The following DPYD variants were observed in gnomAD, a reference collection of about 807,000 sequenced individuals.
DPYD encodes the protein dihydropyrimidine dehydrogenase, also known as dihydropyrimidine dehydrogenase [NADP(+)].
A neutral mutation model predicts 116.2 loss-of-function variants in DPYD; 109 were observed. That is an observed-to-expected ratio of 0.94 (90% CI 0.80 to 1.10). The LOEUF is 1.10. Among genes scored for constraint, DPYD ranks in the 50% least tolerant of loss-of-function variants. DPYD has a pLI of 0.00. For missense variants in DPYD, 1,302 were observed against 1,254.5 expected, an observed-to-expected ratio of 1.04 and a Z score of -0.57; for synonymous variants, 440 against 432.0, an observed-to-expected ratio of 1.02 and a Z score of -0.23.
chr1:97,203,233 AG>A (rs1433734543), intron 19 of DPYD, among the ~76,000 whole-genome samples: 1 of 152,172 alleles, frequency 6.6e-6, no homozygotes, highest in African/African-American at 2.4e-5. Context: ...GTGCATGCTC[AG>A]CACCTCTCAT....
In DPYD at chr1:97,292,722, G is replaced by GCGCGCA. The variant is rs374911665; in HGVS notation, c.2299+12536_2299+12537insTGCGCG. Among the ~76,000 whole-genome samples the GCGCGCA allele has an allele frequency of 2.0e-5, 3 of 149,936 alleles. No individual in the cohort carries two copies. In the South Asian group the frequency reaches 6.4e-4, roughly 32 times the overall value. On this transcript the variant is annotated intron_variant, in intron 18 of 22. Transcript: ENST00000370192. ...CGTGCACGCGCGCGCACACGCGCGA[G>GCGCGCA]CACACACACACACACACACACACAC...
At chr1:97,896,165 A>C (rs1192492372) in intron 1 of DPYD, among the ~76,000 whole-genome samples, 1 of 151,794 alleles carries the variant, frequency 6.6e-6, no homozygotes, top group Non-Finnish European at 1.5e-5. Context: ...CCTATTTAGA[A>C]ATCCTGTTCC....
rs984276958 is a variant in DPYD at position 97,847,871 on chromosome 1, C to T, written c.151-19675G>A. Among the ~76,000 whole-genome samples, 6 of 152,182 alleles carry T rather than the reference C, an allele frequency of 3.9e-5. No homozygotes were observed. In the East Asian group the frequency reaches 1.2e-3, roughly 29 times the overall value. ...CAGAATCAAAAATAACCAAATAAAG[C>T]TTACTCTGTCATACACAAGCTATAT... On this transcript the variant is annotated intron_variant, in intron 2 of 22. Transcript: ENST00000370192.
chr1:97,871,333 G>A (rs1187612856), intron 2 of DPYD, among the ~76,000 whole-genome samples: 2 of 151,632 alleles, frequency 1.3e-5, no homozygotes, highest in Non-Finnish European at 2.9e-5. Flanking sequence ...GGACTAATAC[G>A]TAGTCTATAA....
chr1:97,235,002 A>G lies in DPYD; in HGVS notation c.2300-8T>C. On this transcript the variant is annotated splice_region_variant and splice_polypyrimidine_tract_variant and intron_variant, in intron 18 of 22. Transcript: ENST00000370192. ...TAGGTCTGATTGCTGTCCCTACACA[A>G]AATCAGAATAATCAATGGTTAGCAC... The G allele has an allele frequency of 6.2e-7, 1 of 1,614,098 alleles. No homozygotes were observed. The highest frequency in any genetic ancestry group is 1.1e-5 in the South Asian group (1 of 91,064).
chr1:97,850,021 C>A (rs946217333), intron 2 of DPYD, among the ~76,000 whole-genome samples: 1 of 152,044 alleles, frequency 6.6e-6, no homozygotes, highest in Non-Finnish European at 1.5e-5. Context: ...TGCTAATAAT[C>A]CAAATTAGAT....
chr1:97,862,275 C>T (rs4523551), intron 2 of DPYD, among the ~76,000 whole-genome samples: 112,772 of 151,678 alleles, frequency 0.74, 42,267 homozygotes, highest in East Asian at 0.93. Flanking sequence ...TCATTTATTA[C>T]TATGAGTTTA....
At chr1:97,680,727 T>C (rs574513990) in intron 7 of DPYD, among the ~76,000 whole-genome samples, 1 of 152,168 alleles carries the variant, frequency 6.6e-6, no homozygotes, top group African/African-American at 2.4e-5. Flanking sequence ...TCAGACAGCA[T>C]GAAAAAGAGG....
intron 1 of DPYD, among the ~76,000 whole-genome samples, chr1:97,909,835 C>T (rs61787823): frequency 0.21 from 32,112 of 152,068 alleles, 3,608 homozygotes; most frequent in South Asian, 0.25. Flanking sequence ...GGCTTCTTTA[C>T]AGACATCCAA....
chr1:97,912,600 T>C (rs969168477), intron 1 of DPYD, among the ~76,000 whole-genome samples: 5 of 152,122 alleles, frequency 3.3e-5, no homozygotes, highest in African/African-American at 1.2e-4. Flanking sequence ...CTTTTGATTT[T>C]AGTTTTTTGT....
At chr1:97,326,123 G>T (rs1668694559) in intron 16 of DPYD, among the ~76,000 whole-genome samples, 1 of 151,846 alleles carries the variant, frequency 6.6e-6, no homozygotes, top group Admixed American at 6.6e-5. Context: ...GGACTAGGAT[G>T]TTATTTTAAA....
At chr1:97,640,035 G>A (rs1258428358) in intron 8 of DPYD, among the ~76,000 whole-genome samples, 1 of 152,016 alleles carries the variant, frequency 6.6e-6, no homozygotes, top group Non-Finnish European at 1.5e-5. Context: ...CAAAACAAAA[G>A]CAACCCAAAG....
At chr1:97,880,481 G>A (rs2101635826) in intron 2 of DPYD, among the ~76,000 whole-genome samples, 1 of 151,658 alleles carries the variant, frequency 6.6e-6, no homozygotes, top group Non-Finnish European at 1.5e-5. Context: ...ACCACACCGA[G>A]AATAACTTTC....
intron 19 of DPYD, among the ~76,000 whole-genome samples, chr1:97,219,303 T>C (rs1660631771): frequency 6.6e-6 from 1 of 152,204 alleles, no homozygotes; most frequent in South Asian, 2.1e-4. Context: ...TGTTGCAAGA[T>C]AAATAGAGTG....
chr1:97,237,680 A>C (rs569106979), intron 18 of DPYD, among the ~76,000 whole-genome samples: 1 of 152,332 alleles, frequency 6.6e-6, no homozygotes, highest in African/African-American at 2.4e-5. Flanking sequence ...TCTACATAAC[A>C]AAAGTTAAAG....
intron 8 of DPYD, among the ~76,000 whole-genome samples, chr1:97,667,005 AT>A (rs759607299): frequency 2.0e-4 from 30 of 152,124 alleles, no homozygotes; most frequent in Admixed American, 8.5e-4. Flanking sequence ...CCTGCTACTC[AT>A]TTTTTTAAAT....
intron 8 of DPYD, among the ~76,000 whole-genome samples, chr1:97,640,086 T>A (rs1314641109): frequency 2.6e-5 from 4 of 152,164 alleles, no homozygotes; most frequent in Non-Finnish European, 4.4e-5. Flanking sequence ...AGTCTTCATA[T>A]ATAACTGACA....
chr1:97,466,690 A>G (rs1309040046), intron 13 of DPYD, among the ~76,000 whole-genome samples: 1 of 152,154 alleles, frequency 6.6e-6, no homozygotes, highest in Non-Finnish European at 1.5e-5. Flanking sequence ...AAGTTATGTG[A>G]CCACGCTATT....
chr1:97,758,905 G>A (rs531323497), intron 3 of DPYD, among the ~76,000 whole-genome samples: 1 of 152,260 alleles, frequency 6.6e-6, no homozygotes, highest in East Asian at 1.9e-4. Flanking sequence ...CCTGCTACTT[G>A]GAGGCTGCAG....
Sources: allele counts gnomAD v4.1 joint callset (sites outside exome capture counted in the v4.1 genomes callset), GRCh38; gene constraint gnomAD v4.1.1; transcripts MANE v1.5; gene names NCBI Gene and HGNC (gene_info 2026-07-23, HGNC 2026-07-21).